MAGI3: variants seen among roughly 807,000 people sequenced by gnomAD.
MAGI3 encodes membrane-associated guanylate kinase, WW and PDZ domain-containing protein 3.
A neutral mutation model predicts 121.8 loss-of-function variants in MAGI3; 43 were observed. The observed-to-expected ratio is 0.35, with a 90% CI of 0.28 to 0.46. MAGI3 has a LOEUF of 0.46. Among genes scored for constraint, MAGI3 ranks in the 20% least tolerant of loss-of-function variants. The pLI, the probability that MAGI3 is intolerant of heterozygous loss-of-function variation, is 1.00. For synonymous variants in MAGI3, 553 were observed against 639.3 expected (o/e 0.86, Z 2.04); for missense variants, 1,547 against 1,797.3 (o/e 0.86, Z 2.52).
At chr1:113,645,661 T>G (rs1652792849) in intron 11 of MAGI3, among the ~76,000 whole-genome samples, 1 of 152,158 alleles carries the variant, frequency 6.6e-6, no homozygotes, top group Admixed American at 6.5e-5. Flanking sequence ...CGACACTTTG[T>G]AGTGGCTGAC....
chr1:113,678,595 G>GT (rs1648020744), intron 19 of MAGI3, among the ~76,000 whole-genome samples: 1 of 152,080 alleles, frequency 6.6e-6, no homozygotes, highest in South Asian at 2.1e-4. Context: ...TTTTTGCATT[G>GT]TATAGAATGG....
At chr1:113,661,380 A>G (rs966703173) in intron 16 of MAGI3, among the ~76,000 whole-genome samples, 1 of 152,240 alleles carries the variant, frequency 6.6e-6, no homozygotes, top group Admixed American at 6.5e-5. Context: ...CTAGGCAGGC[A>G]CTATGGTTTT....
chr1:113,408,270 C>A (rs559177365), intron 1 of MAGI3, among the ~76,000 whole-genome samples: 2 of 152,232 alleles, frequency 1.3e-5, no homozygotes, highest in East Asian at 3.9e-4. Flanking sequence ...CTTATTCAAT[C>A]TAGGCAAAAC....
intron 1 of MAGI3, among the ~76,000 whole-genome samples, chr1:113,395,814 T>A (rs561206804): frequency 6.6e-6 from 1 of 152,232 alleles, no homozygotes; most frequent in African/African-American, 2.4e-5. Context: ...GGTTGAGGCA[T>A]TTTAATAATT....
intron 1 of MAGI3, among the ~76,000 whole-genome samples, chr1:113,395,414 T>C (rs1274019132): frequency 6.6e-6 from 1 of 151,866 alleles, no homozygotes; most frequent in African/African-American, 2.4e-5. Context: ...CCTAAAGCTC[T>C]TAATAACTCA....
chr1:113,561,660 C>T (rs1298400404), intron 2 of MAGI3, among the ~76,000 whole-genome samples: 1 of 152,264 alleles, frequency 6.6e-6, no homozygotes, highest in East Asian at 1.9e-4. Context: ...CAATATCATA[C>T]CGAATGGGCA....
At chr1:113,441,073 C>T (rs1653888554) in intron 1 of MAGI3, among the ~76,000 whole-genome samples, 1 of 152,138 alleles carries the variant, frequency 6.6e-6, no homozygotes, top group Non-Finnish European at 1.5e-5. Context: ...CTTAACATTG[C>T]TGGAGTCCCT....
chr1:113,452,407 C>T (rs983496018), intron 1 of MAGI3, among the ~76,000 whole-genome samples: 1 of 151,418 alleles, frequency 6.6e-6, no homozygotes, highest in African/African-American at 2.4e-5. Flanking sequence ...CAGATTTAGC[C>T]AAGTATTTAT....
intron 1 of MAGI3, among the ~76,000 whole-genome samples, chr1:113,523,954 C>G (rs1658328372): frequency 1.3e-5 from 2 of 152,158 alleles, no homozygotes; most frequent in Admixed American, 6.5e-5. Flanking sequence ...CGGGATCCCT[C>G]TGCTGTGTGC....
At chr1:113,653,108 A>G (rs1384093068) in intron 14 of MAGI3, among the ~76,000 whole-genome samples, 2 of 152,220 alleles carry the variant, frequency 1.3e-5, no homozygotes, top group Non-Finnish European at 2.9e-5. Flanking sequence ...AACTGTTATA[A>G]TGGGGCAGCA....
chr1:113,465,517 T>C (rs1655237116), intron 1 of MAGI3, among the ~76,000 whole-genome samples: 1 of 152,062 alleles, frequency 6.6e-6, no homozygotes, highest in Non-Finnish European at 1.5e-5. Flanking sequence ...AATGTTAAGT[T>C]TTTTTTTCTA....
chr1:113,473,733 G>T (rs1453552826), intron 1 of MAGI3, among the ~76,000 whole-genome samples: 1 of 152,146 alleles, frequency 6.6e-6, no homozygotes, highest in Non-Finnish European at 1.5e-5. Context: ...ACATATGTGT[G>T]CATGTGTCTT....
At chr1:113,545,671 T>A (rs943807297) in intron 1 of MAGI3, among the ~76,000 whole-genome samples, 1 of 152,244 alleles carries the variant, frequency 6.6e-6, no homozygotes, top group African/African-American at 2.4e-5. Flanking sequence ...CCTGGATTTA[T>A]TCATGATTGA....
At chr1:113,459,708 T>C (rs1654938120) in intron 1 of MAGI3, among the ~76,000 whole-genome samples, 1 of 152,334 alleles carries the variant, frequency 6.6e-6, no homozygotes, top group South Asian at 2.1e-4. Flanking sequence ...TTCTGAATTT[T>C]CAACCGTGTT....
chr1:113,585,277 A>G, intron 3 of MAGI3, 110 bp from the exon 4 acceptor site: 1 of 984,326 alleles, frequency 1.0e-6, no homozygotes, highest in Non-Finnish European at 1.5e-6. Context: ...CCTATGGTAG[A>G]TATTTCAAAA....
At chr1:113,677,874 G>A (rs368304473) in intron 19 of MAGI3, among the ~76,000 whole-genome samples, 3 of 151,930 alleles carry the variant, frequency 2.0e-5, no homozygotes, top group Non-Finnish European at 4.4e-5. Context: ...TTTTTAAAGT[G>A]ACTTAAAATG....
At chr1:113,601,010 T>C (rs921512638) in intron 6 of MAGI3, among the ~76,000 whole-genome samples, 3 of 152,172 alleles carry the variant, frequency 2.0e-5, no homozygotes, top group African/African-American at 7.2e-5. Context: ...GAAAACTGGC[T>C]AGCCATATGT....
intron 1 of MAGI3, among the ~76,000 whole-genome samples, chr1:113,462,020 C>T (rs1655060726): frequency 6.6e-6 from 1 of 152,102 alleles, no homozygotes; most frequent in African/African-American, 2.4e-5. Flanking sequence ...CAGTGAGATA[C>T]CATCTCATAC....
chr1:113,521,088 A>ATT (rs112195143), intron 1 of MAGI3, among the ~76,000 whole-genome samples: 9,104 of 141,140 alleles, frequency 0.065, 339 homozygotes, highest in Non-Finnish European at 0.078. Context: ...AGTGCTATTC[A>ATT]TTTTTTTTTT....
Sources: allele counts gnomAD v4.1 joint callset (sites outside exome capture counted in the v4.1 genomes callset), GRCh38; gene constraint gnomAD v4.1.1; transcripts MANE v1.5; gene names NCBI Gene and HGNC (gene_info 2026-07-23, HGNC 2026-07-21).